The following FBXO34 variants were observed in gnomAD, a reference collection of about 807,000 sequenced individuals.
FBXO34 encodes the protein F-box protein 34, also known as F-box only protein 34.
In FBXO34, 12 loss-of-function variants were observed where a neutral mutation model predicts 24.5. The observed-to-expected ratio is 0.49, with a 90% CI of 0.31 to 0.79. FBXO34 has a LOEUF of 0.79. Ranked by LOEUF, FBXO34 falls within the 30% of genes least tolerant of loss-of-function variation. FBXO34 has a pLI of 0.04. For missense variants in FBXO34, 823 were observed against 857.7 expected, an observed-to-expected ratio of 0.96 and a Z score of 0.51; for synonymous variants, 320 against 311.9, an observed-to-expected ratio of 1.03 and a Z score of -0.27.
chr14:55,290,772 C>T (rs1166029829), intron 1 of FBXO34, among the ~76,000 whole-genome samples: 1 of 152,296 alleles, frequency 6.6e-6, no homozygotes, highest in East Asian at 1.9e-4. Context: ...TCTTTATTAT[C>T]TTTTTTTCCC....
At chr14:55,412,015 GGA>G in the FBXO34 span, among the ~76,000 whole-genome samples, 1 of 152,250 alleles carries the variant, frequency 6.6e-6, no homozygotes, top group African/African-American at 2.4e-5. Context: ...CGAAGCAGGG[GGA>G]GAGTTATATT....
intron 1 of FBXO34, among the ~76,000 whole-genome samples, chr14:55,282,122 G>A (rs1252879684): frequency 2.1e-5 from 3 of 145,174 alleles, no homozygotes; most frequent in Non-Finnish European, 3.0e-5. Flanking sequence ...TCAGCCTCCC[G>A]AGCAGCTGGG....
the FBXO34 span, chr14:55,395,268 C>A: frequency 9.0e-6 from 3 of 332,688 alleles, no homozygotes; most frequent in Admixed American, 1.2e-4. Flanking sequence ...CAAGCGCCTG[C>A]GAGGCATAGT....
rs1884390303 is a variant in FBXO34 at position 55,351,756 on chromosome 14, A to C, written c.1366A>C (p.Ile456Leu). ...TGATCAAAGAAAAGAATCTTTGTGC[A>C]TTAGTATCACTGTGTCCAAGGTAGA... ...NPDQRKESLC[I>L]SITVSKVDKD... Residue 456 changes from isoleucine (I) to leucine (L), a missense_variant, in exon 2 of 2, where the codon ATT becomes CTT. This residue lies in a region of FBXO34 where 693 missense variants were observed against 659.1 expected (regional missense o/e 1.05). Transcript: ENST00000313833. 6.2e-7 allele frequency: 1 copy of C among 1,614,238 alleles called. No individual in the cohort carries two copies. Among genetic ancestry groups the C allele is most frequent in the Non-Finnish European group, 8.5e-7 (1 of 1,180,042 alleles).
intron 1 of FBXO34, among the ~76,000 whole-genome samples, chr14:55,280,785 C>G (rs1349210286): frequency 6.6e-6 from 1 of 152,006 alleles, no homozygotes; most frequent in African/African-American, 2.4e-5. Flanking sequence ...CTCAGCCTTC[C>G]GAAGTGCTGG....
the FBXO34 span, among the ~76,000 whole-genome samples, chr14:55,420,907 A>C: frequency 6.6e-6 from 1 of 151,934 alleles, no homozygotes; most frequent in Non-Finnish European, 1.5e-5. Context: ...AAAATACAAA[A>C]AAAATTAGCT....
chr14:55,414,749 T>G, the FBXO34 span, among the ~76,000 whole-genome samples: 208 of 152,322 alleles, frequency 1.4e-3, no homozygotes, highest in South Asian at 3.9e-3. Context: ...GAATATGGCC[T>G]CAGAGTAATT....
At chr14:55,433,696 A>G in the FBXO34 span, 1 of 1,614,038 alleles carries the variant, frequency 6.2e-7, no homozygotes, top group Non-Finnish European at 8.5e-7. Flanking sequence ...GGGCTCTCGG[A>G]TCCTCATTAT....
At chr14:55,327,176 T>G (rs569387005) in intron 1 of FBXO34, among the ~76,000 whole-genome samples, 56 of 152,056 alleles carry the variant, frequency 3.7e-4, no homozygotes, top group Non-Finnish European at 6.5e-4. Flanking sequence ...CGGGTAAATA[T>G]CTGGGGAAGG....
At chr14:55,283,942 C>CTGTGTGTGTGTGTG (rs376134482) in intron 1 of FBXO34, among the ~76,000 whole-genome samples, 8 of 130,798 alleles carry the variant, frequency 6.1e-5, no homozygotes, top group Non-Finnish European at 1.3e-4. Flanking sequence ...CATTCTAAGA[C>CTGTGTGTGTGTGTG]TATGTGTGTG....
In FBXO34 at chr14:55,352,547, A is replaced by G. The variant is rs1342022287; in HGVS notation, c.*21A>G. On this transcript the variant is annotated 3_prime_UTR_variant, in exon 2 of 2. Coordinates refer to ENST00000313833, the MANE Select transcript of FBXO34 (RefSeq NM_017943.4). ...ACTAAAGTCCATGTGAGAGGCAACA[A>G]AAGGACCGGTTTCTAAAGCTGCAAA... is the stretch of plus-strand genomic sequence containing the variant. The G allele has an allele frequency of 1.9e-6, 3 of 1,564,150 alleles. No individual in the cohort carries two copies. The highest frequency in any genetic ancestry group is 2.4e-5 in the South Asian group (2 of 82,168).
chr14:55,412,290 T>G, the FBXO34 span, among the ~76,000 whole-genome samples: 1 of 152,214 alleles, frequency 6.6e-6, no homozygotes, highest in Admixed American at 6.5e-5. Flanking sequence ...GCTGTGTGAC[T>G]TGGGGCAAGT....
At chr14:55,402,970 A>ATATATATATATATATATATAT in the FBXO34 span, among the ~76,000 whole-genome samples, 6 of 69,476 alleles carry the variant, frequency 8.6e-5, no homozygotes, top group Admixed American at 1.6e-4. Flanking sequence ...TATATATATA[A>ATATATATATATATATATATAT]ATAGCTGGGC....
downstream of FBXO34, among the ~76,000 whole-genome samples, chr14:55,363,649 G>A (rs1884622959): frequency 6.6e-6 from 1 of 152,116 alleles, no homozygotes; most frequent in Admixed American, 6.5e-5. Flanking sequence ...TTTAATGCAA[G>A]CTTGTTCAAC....
At chr14:55,362,568 A>G (rs142053770), downstream of FBXO34, among the ~76,000 whole-genome samples, 93 of 152,348 alleles carry the variant, frequency 6.1e-4, no homozygotes, top group African/African-American at 2.2e-3. Context: ...AAATGTCTCA[A>G]AGGAGTAGCA....
At chr14:55,394,768 G>A in the FBXO34 span, among the ~76,000 whole-genome samples, 2 of 152,162 alleles carry the variant, frequency 1.3e-5, no homozygotes, top group African/African-American at 2.4e-5. Flanking sequence ...TACATTAAAT[G>A]CAGGACTGTG....
chr14:55,278,210 G>A (rs764807132), intron 1 of FBXO34, among the ~76,000 whole-genome samples: 33 of 152,184 alleles, frequency 2.2e-4, no homozygotes, highest in Non-Finnish European at 4.1e-4. Context: ...GCATGTGAGA[G>A]CTTTATTGCA....
intron 3 of FBXO34, among the ~76,000 whole-genome samples, chr14:55,359,888 T>G (rs1283484479): frequency 1.4e-5 from 2 of 140,566 alleles, no homozygotes; most frequent in African/African-American, 5.4e-5. Context: ...AAGACCAGGC[T>G]GGGCAACATA....
intron 1 of FBXO34, among the ~76,000 whole-genome samples, chr14:55,345,495 G>A (rs888582195): frequency 2.6e-5 from 4 of 152,170 alleles, no homozygotes; most frequent in African/African-American, 9.7e-5. Context: ...ACCCTCAGGT[G>A]AGCTTGGTGC....
Sources: gnomAD v4.1 joint callset for allele counts (sites outside exome capture counted in the v4.1 genomes callset) on GRCh38, gnomAD v4.1.1 for gene constraint, gnomAD v4.1.1 regional missense constraint, MANE v1.5 for transcripts, NCBI Gene and HGNC (gene_info 2026-07-23, HGNC 2026-07-21) for gene names.